Variants in ASIC2 observed in about 807,000 individuals in gnomAD.
ASIC2 encodes acid sensing ion channel subunit 2, also known as acid-sensing ion channel 2.
ASIC2 carries 25 observed loss-of-function variants against 57.3 expected under a neutral mutation model. The ratio of observed to expected loss-of-function variants is 0.44; its 90% CI spans 0.32 to 0.61. The LOEUF is 0.61. ASIC2 is among the 20% of genes least tolerant of loss of function. The pLI is 0.06. For synonymous variants in ASIC2, 319 were observed against 307.5 expected, an observed-to-expected ratio of 1.04 and a Z score of -0.39; for missense variants, 641 against 738.1, an observed-to-expected ratio of 0.87 and a Z score of 1.52.
chr17:33,198,541 C>G (rs1461957896), intron 1 of ASIC2, among the ~76,000 whole-genome samples: 2 of 152,228 alleles, frequency 1.3e-5, no homozygotes, highest in Non-Finnish European at 2.9e-5. Context: ...TGGTTTCAAC[C>G]TGTCCTGCCA....
At chr17:33,503,442 A>T (rs1223010531) in intron 1 of ASIC2, among the ~76,000 whole-genome samples, 1 of 152,156 alleles carries the variant, frequency 6.6e-6, no homozygotes, top group Non-Finnish European at 1.5e-5. Context: ...CAGTGAGTGA[A>T]TCAAGGATTT....
chr17:33,969,267 T>A (rs1905156712), intron 1 of ASIC2, among the ~76,000 whole-genome samples: 1 of 152,224 alleles, frequency 6.6e-6, no homozygotes, highest in Non-Finnish European at 1.5e-5. Flanking sequence ...CCCTTCTCTA[T>A]ATGAGTATGA....
chr17:34,107,651 C>T (rs1040682513), intron 1 of ASIC2, among the ~76,000 whole-genome samples: 3 of 152,296 alleles, frequency 2.0e-5, no homozygotes, highest in South Asian at 2.1e-4. Context: ...AATTCTCCCC[C>T]ACCACAAGTC....
chr17:33,061,330 T>A (rs892749966), intron 3 of ASIC2, among the ~76,000 whole-genome samples: 1 of 152,138 alleles, frequency 6.6e-6, no homozygotes, highest in South Asian at 2.1e-4. Flanking sequence ...TTTTTAGATA[T>A]GTTGCATCAA....
chr17:33,577,129 C>T (rs1916649227), intron 1 of ASIC2, among the ~76,000 whole-genome samples: 1 of 152,136 alleles, frequency 6.6e-6, no homozygotes, highest in African/African-American at 2.4e-5. Context: ...CTTGAGAAGA[C>T]AATGTTGAAG....
chr17:33,881,128 T>C (rs1286766781), intron 1 of ASIC2, among the ~76,000 whole-genome samples: 1 of 152,158 alleles, frequency 6.6e-6, no homozygotes, highest in Non-Finnish European at 1.5e-5. Context: ...ATAAGAGCTA[T>C]CTATGATAAA....
intron 1 of ASIC2, among the ~76,000 whole-genome samples, chr17:33,858,901 C>T (rs1311854840): frequency 6.6e-6 from 1 of 152,342 alleles, no homozygotes; most frequent in Non-Finnish European, 1.5e-5. Context: ...CCTTGAGTCC[C>T]TACTCAGCCA....
At chr17:34,098,842 G>C (rs1019236173) in intron 1 of ASIC2, among the ~76,000 whole-genome samples, 1 of 152,088 alleles carries the variant, frequency 6.6e-6, no homozygotes, top group Non-Finnish European at 1.5e-5. Flanking sequence ...GGAATGCACG[G>C]TTGGGTAAGA....
At chr17:33,410,282 A>G (rs1910611593) in intron 1 of ASIC2, among the ~76,000 whole-genome samples, 1 of 152,134 alleles carries the variant, frequency 6.6e-6, no homozygotes, top group Non-Finnish European at 1.5e-5. Context: ...CTGAATAAAA[A>G]ATGTGTGTTT....
At chr17:33,618,980 A>T (rs1905692266) in intron 1 of ASIC2, among the ~76,000 whole-genome samples, 1 of 152,090 alleles carries the variant, frequency 6.6e-6, no homozygotes, top group African/African-American at 2.4e-5. Flanking sequence ...TCCTGTGTGA[A>T]TTTTTCCTGG....
intron 1 of ASIC2, among the ~76,000 whole-genome samples, chr17:33,256,763 C>T (rs1909094396): frequency 6.6e-6 from 1 of 152,072 alleles, no homozygotes; most frequent in South Asian, 2.1e-4. Flanking sequence ...ACCTGGGAGG[C>T]AGAGGTTGCA....
chr17:34,078,369 A>G (rs1221394909), intron 1 of ASIC2, among the ~76,000 whole-genome samples: 1 of 152,182 alleles, frequency 6.6e-6, no homozygotes. Flanking sequence ...GAAGGAAAGT[A>G]AACACAGCTG....
chr17:33,024,005 G>T lies in ASIC2; in HGVS notation c.1205C>A (p.Ala402Glu), dbSNP rs148985870. Reference protein sequence around the residue: ...ECAEPALGLLAEKDSNYCLCR... With the variant: ...ECAEPALGLLEEKDSNYCLCR... The stretch of plus-strand genomic sequence containing the variant: ...GAGACAGTAATTGCTGTCCTTTTCC[G>T]CCAACAGACCTGGAGGGGAGAGTGA... Residue 402 changes from alanine to glutamate, a missense_variant, in exon 6 of 10, where the codon GCG becomes GAG. This residue lies in a region of ASIC2 where 252 missense variants were observed against 319.8 expected (regional missense o/e 0.79). Coordinates refer to ENST00000225823, the MANE Select transcript of ASIC2 (RefSeq NM_183377.2). 20 of 1,614,070 alleles carry T rather than the reference G, an allele frequency of 1.2e-5. No homozygotes were observed. The highest frequency in any genetic ancestry group is 2.2e-5 in the East Asian group (1 of 44,882).
chr17:33,399,927 G>T (rs755348980), intron 1 of ASIC2, among the ~76,000 whole-genome samples: 16 of 152,168 alleles, frequency 1.1e-4, no homozygotes, highest in Non-Finnish European at 8.8e-5. Flanking sequence ...AGACAAGCCT[G>T]GGACCCTATC....
At chr17:33,143,718 A>C (rs980363084) in intron 1 of ASIC2, among the ~76,000 whole-genome samples, 3 of 123,220 alleles carry the variant, frequency 2.4e-5, no homozygotes, top group Admixed American at 9.1e-5. Flanking sequence ...CAGTATTGGC[A>C]TTTGGATAAT....
Position 33,909,957 on chromosome 17 carries a change from G to A in ASIC2, c.555+246021C>T, listed in dbSNP as rs138518691. On this transcript the variant is annotated intron_variant, in intron 1 of 9. Coordinates refer to the ASIC2 transcript ENST00000359872. ...CTGTTTGCTAATGGTGTGACCCTGAGCAAGTTATTCAATTTCTGCAGACCT... is the reference window on the plus strand; with the variant it reads ...CTGTTTGCTAATGGTGTGACCCTGAACAAGTTATTCAATTTCTGCAGACCT... Among the ~76,000 whole-genome samples the A allele has an allele frequency of 3.0e-3, 458 of 152,192 alleles. 4 individuals are homozygous for A. The highest frequency in any genetic ancestry group is 0.01 in the African/African-American group (433 of 41,514).
chr17:34,096,856 CAAAAAAA>C (rs71286247), intron 1 of ASIC2, among the ~76,000 whole-genome samples: 11 of 30,114 alleles, frequency 3.7e-4, no homozygotes, highest in African/African-American at 1.2e-3. Context: ...GACTCCATCT[CAAAAAAA>C]AAAAAAAAAA....
At chr17:33,692,720 G>A (rs1489165990) in intron 1 of ASIC2, among the ~76,000 whole-genome samples, 1 of 152,176 alleles carries the variant, frequency 6.6e-6, no homozygotes, top group East Asian at 1.9e-4. Context: ...ATGCCCTAAT[G>A]TATGACTGGC....
At chr17:33,547,437 T>C (rs1915616046) in intron 1 of ASIC2, among the ~76,000 whole-genome samples, 1 of 152,170 alleles carries the variant, frequency 6.6e-6, no homozygotes, top group African/African-American at 2.4e-5. Flanking sequence ...ACCCATTGAA[T>C]TGTCCATTTG....
Sources: allele counts gnomAD v4.1 joint callset (sites outside exome capture counted in the v4.1 genomes callset), GRCh38; gene constraint gnomAD v4.1.1; regional missense constraint gnomAD v4.1.1; transcripts MANE v1.5; gene names NCBI Gene and HGNC (gene_info 2026-07-23, HGNC 2026-07-21).